Variants in SLC30A8 observed in about 807,000 individuals in gnomAD.
SLC30A8 encodes the protein proton-coupled zinc antiporter SLC30A8.
SLC30A8 carries 27 observed loss-of-function variants against 36.9 expected under a neutral mutation model. The observed-to-expected ratio is 0.73, with a 90% CI of 0.54 to 1.01. The LOEUF (loss-of-function observed/expected upper bound fraction) is 1.01. Among genes scored for constraint, SLC30A8 ranks in the 50% least tolerant of loss-of-function variants. SLC30A8 has a pLI of 0.00. For synonymous variants in SLC30A8, 164 were observed against 172.4 expected (o/e 0.95, Z 0.38); for missense variants, 439 against 452.0 (o/e 0.97, Z 0.26).
chr8:117,028,452 G>C (rs1214526532), intron 1 of SLC30A8, among the ~76,000 whole-genome samples: 1 of 152,130 alleles, frequency 6.6e-6, no homozygotes, highest in Non-Finnish European at 1.5e-5. Flanking sequence ...CTAGACCTCA[G>C]AGGGTTGCTG....
At chr8:116,955,266 G>T (rs1484269686) in intron 1 of SLC30A8, among the ~76,000 whole-genome samples, 1 of 152,110 alleles carries the variant, frequency 6.6e-6, no homozygotes, top group Non-Finnish European at 1.5e-5. Context: ...GGTCATTTTG[G>T]GCTAGTGTGG....
intron 4 of SLC30A8, among the ~76,000 whole-genome samples, chr8:117,161,493 A>T (rs1189399831): frequency 6.6e-6 from 1 of 152,266 alleles, no homozygotes; most frequent in Admixed American, 6.5e-5. Context: ...AACATGAAAC[A>T]GATAAACATT....
intron 1 of SLC30A8, among the ~76,000 whole-genome samples, chr8:116,995,821 G>A (rs1009571760): frequency 1.3e-5 from 2 of 152,046 alleles, no homozygotes; most frequent in Admixed American, 6.5e-5. Context: ...TTCATGGTTC[G>A]GGACAGATAG....
At chr8:117,150,301 C>T (rs916608969) in intron 2 of SLC30A8, among the ~76,000 whole-genome samples, 1 of 152,194 alleles carries the variant, frequency 6.6e-6, no homozygotes, top group Non-Finnish European at 1.5e-5. Context: ...GTCAGATAAA[C>T]ATTCTTTCAT....
At chr8:117,167,504 T>TATATATATATATATATAA in intron 6 of SLC30A8, among the ~76,000 whole-genome samples, 1 of 142,254 alleles carries the variant, frequency 7.0e-6, no homozygotes, top group Admixed American at 7.0e-5. Context: ...CATACATACA[T>TATATATATATATATATAA]GTATATGTAT....
intron 1 of SLC30A8, among the ~76,000 whole-genome samples, chr8:116,974,409 T>G (rs1306703221): frequency 6.6e-6 from 1 of 152,150 alleles, no homozygotes; most frequent in African/African-American, 2.4e-5. Flanking sequence ...AAGAAGACAT[T>G]TATGCAGCCA....
chr8:117,065,350 C>T (rs1818136466), intron 2 of SLC30A8, among the ~76,000 whole-genome samples: 2 of 152,094 alleles, frequency 1.3e-5, no homozygotes, highest in Middle Eastern at 3.4e-3. Flanking sequence ...TAATAAATTC[C>T]TTATTTAGAA....
In SLC30A8 at chr8:117,110,341, G is replaced by GC. The variant is rs146211420; in HGVS notation, c.-225-24939_-225-24938insC. ...CACTTTGTCATTCTGATTGACAGAG[G>GC]TGAGGACTTCTTTCCAGCCCTGTGG... is the stretch of plus-strand genomic sequence containing the variant. On this transcript the variant is annotated intron_variant, in intron 2 of 10. Coordinates refer to the SLC30A8 transcript ENST00000427715. Among the ~76,000 whole-genome samples the GC allele has an allele frequency of 2.0e-5, 3 of 152,234 alleles. No individual in the cohort carries two copies. In the East Asian group the frequency reaches 5.8e-4, roughly 29 times the overall value.
intron 2 of SLC30A8, among the ~76,000 whole-genome samples, chr8:117,105,767 A>G (rs1420921741): frequency 1.3e-5 from 2 of 152,328 alleles, no homozygotes; most frequent in South Asian, 2.1e-4. Context: ...AAACACGTCT[A>G]CAAAGTGCCT....
At chr8:117,007,763 G>A (rs1816229428) in intron 1 of SLC30A8, among the ~76,000 whole-genome samples, 1 of 151,956 alleles carries the variant, frequency 6.6e-6, no homozygotes, top group African/African-American at 2.4e-5. Context: ...CTTGTGTAAG[G>A]GCACACATTA....
At chr8:117,127,021 A>G (rs145538081) in intron 2 of SLC30A8, among the ~76,000 whole-genome samples, 15 of 152,168 alleles carry the variant, frequency 9.9e-5, no homozygotes, top group African/African-American at 3.4e-4. Context: ...TTTTAAAAGC[A>G]AAGTAGCCAG....
intron 1 of SLC30A8, among the ~76,000 whole-genome samples, chr8:117,000,584 A>G (rs372904362): frequency 6.6e-6 from 1 of 152,246 alleles, no homozygotes; most frequent in Non-Finnish European, 1.5e-5. Context: ...AAAGTAGCAT[A>G]TTAATCCAAA....
At chr8:117,005,457 G>A (rs1816144376) in intron 1 of SLC30A8, among the ~76,000 whole-genome samples, 2 of 152,096 alleles carry the variant, frequency 1.3e-5, no homozygotes, top group African/African-American at 4.8e-5. Context: ...ACCACATATT[G>A]TTTATGCATT....
At chr8:117,051,027 G>A (rs1817690925) in intron 2 of SLC30A8, among the ~76,000 whole-genome samples, 1 of 152,206 alleles carries the variant, frequency 6.6e-6, no homozygotes, top group South Asian at 2.1e-4. Flanking sequence ...GAGAAGAGAT[G>A]TAATATTCTG....
upstream of SLC30A8, chr8:116,950,235 G>C (rs1020085278): frequency 6.2e-6 from 1 of 161,864 alleles, no homozygotes; most frequent in Non-Finnish European, 1.3e-5. Flanking sequence ...AGCGGACGCC[G>C]AGGCCGAGGA....
chr8:116,954,643 G>A (rs1446930291), intron 1 of SLC30A8, among the ~76,000 whole-genome samples: 1 of 152,142 alleles, frequency 6.6e-6, no homozygotes, highest in African/African-American at 2.4e-5. Flanking sequence ...ATGGGTTAAG[G>A]AGTAAGCAGG....
At position 117,152,972 on chromosome 8, in the gene SLC30A8, T is replaced by C. The variant is rs1822266123; in HGVS notation, c.300T>C (p.Val100=). The C allele has an allele frequency of 8.7e-6, 14 of 1,612,218 alleles. No homozygotes were observed. Among genetic ancestry groups the C allele is most frequent in the Non-Finnish European group, 1.2e-5 (14 of 1,178,704 alleles). ...VGGHIAGSLA[V]VTDAAHLLID... ...GGCACATTGCTGGGAGTCTTGCTGT[T>C]GTCACAGATGCTGCCCACCTCTTAA... is the stretch of plus-strand genomic sequence containing the variant. The change falls in exon 3 of 8, where the codon GTT becomes GTC. Residue 100 remains valine (V), a synonymous_variant. Transcript: ENST00000456015.
chr8:117,055,993 C>T (rs1314949827), intron 2 of SLC30A8: 2 of 152,106 alleles, frequency 1.3e-5, no homozygotes, highest in East Asian at 1.9e-4. Flanking sequence ...AAGCAAGCAA[C>T]AAATGTTTTA....
chr8:116,992,697 AGAGGAGGCTAT>A (rs1815685498), intron 1 of SLC30A8, among the ~76,000 whole-genome samples: 1 of 152,114 alleles, frequency 6.6e-6, no homozygotes, highest in Non-Finnish European at 1.5e-5. Flanking sequence ...CCAAACAGAG[AGAGGAGGCTAT>A]GAGGCTAACA....
Sources: gnomAD v4.1 joint callset for allele counts (sites outside exome capture counted in the v4.1 genomes callset) on GRCh38, gnomAD v4.1.1 for gene constraint, MANE v1.5 for transcripts, NCBI Gene and HGNC (gene_info 2026-07-23, HGNC 2026-07-21) for gene names.